Variants in ST6GALNAC5 observed in about 807,000 individuals in gnomAD.
ST6GALNAC5 encodes ST6 N-acetylgalactosaminide alpha-2,6-sialyltransferase 5, also known as alpha-N-acetylgalactosaminide alpha-2,6-sialyltransferase 5.
A neutral mutation model predicts 33.6 loss-of-function variants in ST6GALNAC5; 27 were observed. The ratio of observed to expected loss-of-function variants is 0.80; its 90% CI spans 0.59 to 1.11. The LOEUF (loss-of-function observed/expected upper bound fraction) is 1.11, where lower values mean the gene tolerates loss of function less well. Among genes scored for constraint, ST6GALNAC5 ranks in the 50% least tolerant of loss-of-function variants. The pLI is 0.00. For missense variants in ST6GALNAC5, 428 were observed against 454.0 expected (o/e 0.94, Z 0.52); for synonymous variants, 194 against 171.2 (o/e 1.13, Z -1.04).
intron 2 of ST6GALNAC5, among the ~76,000 whole-genome samples, chr1:77,030,279 G>A (rs1201799649): frequency 6.6e-6 from 1 of 152,190 alleles, no homozygotes; most frequent in Non-Finnish European, 1.5e-5. Flanking sequence ...GCACACATGT[G>A]GGAGTGGCTT....
intron 2 of ST6GALNAC5, among the ~76,000 whole-genome samples, chr1:76,891,642 G>A (rs116104883): frequency 0.018 from 2,763 of 152,146 alleles, 80 homozygotes; most frequent in African/African-American, 0.063. Context: ...TCTTATCTAA[G>A]AAACTGTCAT....
At chr1:77,009,442 A>G (rs984107296) in intron 2 of ST6GALNAC5, among the ~76,000 whole-genome samples, 2 of 152,128 alleles carry the variant, frequency 1.3e-5, no homozygotes, top group African/African-American at 4.8e-5. Flanking sequence ...AATTGTGCCC[A>G]GGTAGGCAGG....
At position 77,044,245 on chromosome 1, in the gene ST6GALNAC5, C is replaced by G. The variant is rs1472573504; in HGVS notation, c.303C>G (p.Ser101Arg). The G allele has an allele frequency of 6.2e-7, 1 of 1,613,390 alleles. No individual in the cohort carries two copies. Among genetic ancestry groups the G allele is most frequent in the Non-Finnish European group, 8.5e-7 (1 of 1,179,758 alleles). ...MHCRDCALVT[S>R]SGHLLHSRQG... Reference sequence around the variant, plus strand: ...GCAGGGACTGTGCCCTGGTGACCAGCTCAGGGCATCTGCTGCACAGTCGGC... The same window carrying G: ...GCAGGGACTGTGCCCTGGTGACCAGGTCAGGGCATCTGCTGCACAGTCGGC... Residue 101 changes from serine to arginine, a missense_variant, in exon 3 of 5, where the codon AGC becomes AGG. Coordinates refer to ENST00000477717, the MANE Select transcript of ST6GALNAC5 (RefSeq NM_030965.3).
intron 2 of ST6GALNAC5, among the ~76,000 whole-genome samples, chr1:76,971,393 T>C (rs1022358576): frequency 7.2e-5 from 11 of 152,108 alleles, no homozygotes; most frequent in African/African-American, 1.9e-4. Flanking sequence ...TTGCGTGGGA[T>C]ATTGATTTCA....
At position 77,063,259 on chromosome 1, in the gene ST6GALNAC5, G is replaced by T. The variant is rs1652655363; in HGVS notation, c.*53G>T. On this transcript the variant is annotated 3_prime_UTR_variant, in exon 5 of 5. Transcript: ENST00000477717. ...AGGTATTCACTGCATCAGACACCGA[G>T]ACACTGAACTTCCTGAGCCACCAGA... The T allele has an allele frequency of 7.2e-6, 11 of 1,526,916 alleles. No homozygotes were observed. The South Asian group carries it at 1.0e-4, about 14-fold the overall frequency. 94.6% of individuals were successfully genotyped at this position (1,526,916 alleles called of 1,614,324 possible). A position where few individuals can be genotyped will look rare whatever the true frequency, so the allele number is the denominator to read the frequency against.
At chr1:76,982,917 C>T (rs1649317249) in intron 2 of ST6GALNAC5, among the ~76,000 whole-genome samples, 1 of 151,974 alleles carries the variant, frequency 6.6e-6, no homozygotes, top group African/African-American at 2.4e-5. Flanking sequence ...AACAAAGCTT[C>T]ATACGTGAAG....
At chr1:76,906,648 T>A (rs1461422042) in intron 2 of ST6GALNAC5, among the ~76,000 whole-genome samples, 2 of 152,132 alleles carry the variant, frequency 1.3e-5, no homozygotes, top group African/African-American at 4.8e-5. Flanking sequence ...ACATAGGGTA[T>A]AAACAGAAAG....
chr1:76,972,787 T>G (rs907991164), intron 2 of ST6GALNAC5, among the ~76,000 whole-genome samples: 1 of 152,202 alleles, frequency 6.6e-6, no homozygotes, highest in Non-Finnish European at 1.5e-5. Flanking sequence ...ACTCCCATCA[T>G]CAATAATTGA....
intron 2 of ST6GALNAC5, among the ~76,000 whole-genome samples, chr1:76,890,085 C>T (rs1653981331): frequency 6.6e-6 from 1 of 152,016 alleles, no homozygotes. Context: ...TCTTCATGTC[C>T]TATATTGAAA....
At chr1:76,873,487 A>AT (rs1653556830) in intron 2 of ST6GALNAC5, among the ~76,000 whole-genome samples, 3 of 152,198 alleles carry the variant, frequency 2.0e-5, no homozygotes. Context: ...TGGGTACACA[A>AT]TAAGTATGTA....
At chr1:76,972,840 A>C (rs1648818840) in intron 2 of ST6GALNAC5, among the ~76,000 whole-genome samples, 1 of 152,136 alleles carries the variant, frequency 6.6e-6, no homozygotes, top group African/African-American at 2.4e-5. Flanking sequence ...TGCCTAATAC[A>C]TTTAGATTTT....
At chr1:77,045,558 T>C (rs968695310) in intron 3 of ST6GALNAC5, among the ~76,000 whole-genome samples, 28 of 152,322 alleles carry the variant, frequency 1.8e-4, no homozygotes, top group African/African-American at 6.0e-4. Context: ...TCACTATAGG[T>C]TGAAAGATTT....
chr1:77,063,136 AC>A lies in ST6GALNAC5; in HGVS notation c.942del (p.Gln317AsnfsTer11). ...FKNWARTFNIHFFQPDWKPES... is the reference protein window; with the variant it reads ...FKNWARTFNIXFFQPDWKPES... ...AACTGGGCACGGACATTCAATATTC[AC>A]TTTTTTCAACCAGACTGGAAACCAG... On this transcript the variant is annotated frameshift_variant, in exon 5 of 5. Transcript: ENST00000477717. LOFTEE classifies it high-confidence loss of function. 6.2e-7 allele frequency: 1 copy of A among 1,613,876 alleles called. No homozygotes were observed. The highest frequency in any genetic ancestry group is 8.5e-7 in the Non-Finnish European group (1 of 1,179,852).
chr1:77,009,649 T>C (rs1650559107), intron 2 of ST6GALNAC5, among the ~76,000 whole-genome samples: 2 of 152,126 alleles, frequency 1.3e-5, no homozygotes, highest in African/African-American at 4.8e-5. Flanking sequence ...CTGATCTGCC[T>C]TCTTGGATTT....
intron 2 of ST6GALNAC5, among the ~76,000 whole-genome samples, chr1:76,970,997 A>G (rs1325287917): frequency 6.6e-5 from 10 of 152,052 alleles, no homozygotes; most frequent in Non-Finnish European, 1.2e-4. Context: ...TCTTGATTGC[A>G]CTGTAAATGA....
At chr1:77,028,895 A>G (rs1028490393) in intron 2 of ST6GALNAC5, among the ~76,000 whole-genome samples, 1 of 152,206 alleles carries the variant, frequency 6.6e-6, no homozygotes, top group African/African-American at 2.4e-5. Flanking sequence ...GCTTTTACAT[A>G]GGACCTGGAA....
At chr1:76,960,645 G>A (rs999507856) in intron 2 of ST6GALNAC5, among the ~76,000 whole-genome samples, 7 of 152,068 alleles carry the variant, frequency 4.6e-5, no homozygotes, top group East Asian at 1.9e-4. Context: ...GCCAACCCCC[G>A]AAGCGGCCAT....
intron 2 of ST6GALNAC5, among the ~76,000 whole-genome samples, chr1:76,887,230 T>C (rs1653917431): frequency 6.6e-6 from 1 of 152,206 alleles, no homozygotes; most frequent in South Asian, 2.1e-4. Flanking sequence ...AAATTATATA[T>C]GTTTTTGAAA....
At chr1:76,989,784 A>T (rs1649652275) in intron 2 of ST6GALNAC5, among the ~76,000 whole-genome samples, 1 of 151,996 alleles carries the variant, frequency 6.6e-6, no homozygotes, top group Non-Finnish European at 1.5e-5. Flanking sequence ...TATGAAATTC[A>T]TTATAGTCCC....
Sources: gnomAD v4.1 joint callset for allele counts (sites outside exome capture counted in the v4.1 genomes callset) on GRCh38, gnomAD v4.1.1 for gene constraint, MANE v1.5 for transcripts, NCBI Gene and HGNC (gene_info 2026-07-23, HGNC 2026-07-21) for gene names.